Variants in ANXA8 observed in about 807,000 individuals in gnomAD.
ANXA8 encodes VAC-beta.
In ANXA8, 9 loss-of-function variants were observed where a neutral mutation model predicts 26.8. That is an observed-to-expected ratio of 0.34 (90% CI 0.20 to 0.59). The LOEUF is 0.59. ANXA8 is among the 20% of genes least tolerant of loss of function. The probability of loss-of-function intolerance (pLI) is 0.84; values close to 1 mark genes in which losing one functional copy is unlikely to be tolerated. For synonymous variants in ANXA8, 39 were observed against 94.8 expected, an observed-to-expected ratio of 0.41 and a Z score of 3.42; for missense variants, 83 against 238.5, an observed-to-expected ratio of 0.35 and a Z score of 4.29.
chr10:47,652,525 A>C, the ANXA8 span, among the ~76,000 whole-genome samples: 2 of 151,122 alleles, frequency 1.3e-5, no homozygotes, highest in South Asian at 4.1e-4. Flanking sequence ...TGAATCCAGG[A>C]GGTAGAGGTT....
chr10:47,920,033 C>G, the ANXA8 span, among the ~76,000 whole-genome samples: 3,625 of 10,506 alleles, frequency 0.35, 275 homozygotes, highest in Non-Finnish European at 0.39. Context: ...CATGCAGCTG[C>G]GACTGTTCTT....
At chr10:47,658,886 A>ATTTT in the ANXA8 span, among the ~76,000 whole-genome samples, 2 of 142,850 alleles carry the variant, frequency 1.4e-5, no homozygotes, top group African/African-American at 5.7e-5. Context: ...TTATTTATTT[A>ATTTT]TTTGAGACAG....
chr10:47,576,759 A>T, the ANXA8 span, among the ~76,000 whole-genome samples: 1 of 150,520 alleles, frequency 6.6e-6, no homozygotes, highest in African/African-American at 2.5e-5. Flanking sequence ...GGCTCAAACA[A>T]TCCTCCCACC....
the ANXA8 span, among the ~76,000 whole-genome samples, chr10:47,631,134 T>C: frequency 6.7e-6 from 1 of 150,246 alleles, no homozygotes; most frequent in Non-Finnish European, 1.5e-5. Flanking sequence ...CTGAAATATG[T>C]TGAACATGAA....
chr10:47,487,232 G>T (rs1276896193), upstream of ANXA8: 6 of 1,189,934 alleles, frequency 5.0e-6, no homozygotes, highest in Non-Finnish European at 7.0e-6. Context: ...ACATGTCATG[G>T]CTTTTTATTG....
chr10:47,572,723 T>A, the ANXA8 span, among the ~76,000 whole-genome samples: 81,741 of 110,314 alleles, frequency 0.74, 30,336 homozygotes, highest in Non-Finnish European at 0.81. Flanking sequence ...GTCTCAAAAA[T>A]ATAAAAATTA....
chr10:47,733,014 T>C, the ANXA8 span, among the ~76,000 whole-genome samples: 3 of 150,082 alleles, frequency 2.0e-5, no homozygotes, highest in South Asian at 6.5e-4. Flanking sequence ...TTGCAAGTGA[T>C]AAAAACCCAA....
chr10:47,699,530 TA>T, the ANXA8 span, among the ~76,000 whole-genome samples: 1 of 151,258 alleles, frequency 6.6e-6, no homozygotes, highest in Non-Finnish European at 1.5e-5. Flanking sequence ...AAATTAATGT[TA>T]AAAAATATCA....
At chr10:47,580,638 G>C in the ANXA8 span, among the ~76,000 whole-genome samples, 3 of 150,566 alleles carry the variant, frequency 2.0e-5, no homozygotes, top group Admixed American at 2.0e-4. Context: ...AGCTACTCAG[G>C]AGGCTGAGGC....
chr10:47,639,982 G>T, the ANXA8 span, among the ~76,000 whole-genome samples: 996 of 146,088 alleles, frequency 6.8e-3, 3 homozygotes, highest in African/African-American at 0.025. Context: ...TGTAGAGACA[G>T]GGTTTCACTG....
chr10:47,558,696 T>A, the ANXA8 span, among the ~76,000 whole-genome samples: 1 of 151,782 alleles, frequency 6.6e-6, no homozygotes, highest in East Asian at 1.9e-4. Context: ...CTCTAAGACT[T>A]TGGGATACAA....
the ANXA8 span, among the ~76,000 whole-genome samples, chr10:47,593,345 G>C: frequency 6.7e-6 from 1 of 149,766 alleles, no homozygotes; most frequent in Non-Finnish European, 1.5e-5. Context: ...GCACCACCAA[G>C]GCCCAGAACC....
At chr10:47,647,667 G>A in the ANXA8 span, among the ~76,000 whole-genome samples, 2 of 149,126 alleles carry the variant, frequency 1.3e-5, no homozygotes, top group Non-Finnish European at 2.9e-5. Flanking sequence ...AAAAACTAAT[G>A]TGGGCAACAA....
the ANXA8 span, among the ~76,000 whole-genome samples, chr10:47,672,418 T>C: frequency 6.6e-6 from 1 of 151,882 alleles, no homozygotes; most frequent in African/African-American, 2.4e-5. Flanking sequence ...AAACTTCTTA[T>C]CTCCCATGAA....
intron 11 of ANXA8, among the ~76,000 whole-genome samples, chr10:47,469,456 G>C (rs1400990970): frequency 6.6e-6 from 1 of 150,660 alleles, no homozygotes; most frequent in Admixed American, 6.6e-5. Flanking sequence ...CTGAGACGTG[G>C]TGAGGGTACA....
At chr10:47,777,457 G>C in the ANXA8 span, among the ~76,000 whole-genome samples, 1 of 152,166 alleles carries the variant, frequency 6.6e-6, no homozygotes, top group Admixed American at 6.5e-5. Context: ...CAGGCTTCTG[G>C]ATGCAGTTCT....
chr10:47,468,096 G>A lies in ANXA8; in HGVS notation c.*751C>T, dbSNP rs1238200699. 3 of 146,942 alleles carry A rather than the reference G, an allele frequency of 2.0e-5. No individual in the cohort carries two copies. The highest frequency in any genetic ancestry group is 6.8e-5 in the Admixed American group (1 of 14,700). 9.1% of individuals were successfully genotyped at this position (146,942 alleles called of 1,614,324 possible). A position where few individuals can be genotyped will look rare whatever the true frequency, so the allele number is the denominator to read the frequency against. ...TTGCCGTTCAGTGGGGACAAGAGTG[G>A]TGCTGAGGGCATGGTCACACCCTTC... On this transcript the variant is annotated 3_prime_UTR_variant, in exon 12 of 12. Transcript: ENST00000585281.
At chr10:47,730,638 T>C in the ANXA8 span, among the ~76,000 whole-genome samples, 1 of 152,192 alleles carries the variant, frequency 6.6e-6, no homozygotes, top group Non-Finnish European at 1.5e-5. Context: ...TCTTTTGGTT[T>C]CTTCCTTTCT....
At chr10:47,945,265 C>G in the ANXA8 span, among the ~76,000 whole-genome samples, 1 of 149,844 alleles carries the variant, frequency 6.7e-6, no homozygotes, top group African/African-American at 2.5e-5. Flanking sequence ...ATTTTGTCAC[C>G]TAGGATTCCA....
Sources: allele counts gnomAD v4.1 joint callset (sites outside exome capture counted in the v4.1 genomes callset), GRCh38; gene constraint gnomAD v4.1.1; transcripts MANE v1.5; gene names NCBI Gene and HGNC (gene_info 2026-07-23, HGNC 2026-07-21).